Variants in EXOSC1 observed in about 807,000 individuals in gnomAD.
The protein encoded by EXOSC1 is exosome component 1, also known as exosome complex component CSL4.
EXOSC1 carries 27 observed loss-of-function variants against 31.4 expected under a neutral mutation model. The observed-to-expected ratio is 0.86, with a 90% CI of 0.63 to 1.18. The LOEUF (loss-of-function observed/expected upper bound fraction) is 1.18. EXOSC1 is among the 50% of genes most tolerant of loss of function. The pLI, the probability that EXOSC1 is intolerant of heterozygous loss-of-function variation, is 0.00. For synonymous variants in EXOSC1, 84 were observed against 89.5 expected (o/e 0.94, Z 0.35); for missense variants, 228 against 250.3 (o/e 0.91, Z 0.60).
chr10:97,443,158 C>G, intron 3 of EXOSC1, 79 bp downstream of exon 3: 1 of 1,198,726 alleles, frequency 8.3e-7, no homozygotes, highest in Non-Finnish European at 1.2e-6. Flanking sequence ...GGCTATCATA[C>G]TGGACACTGC....
intron 4 of EXOSC1, among the ~76,000 whole-genome samples, chr10:97,440,515 ATTTTTTT>A (rs397846677): frequency 1.6e-5 from 2 of 124,264 alleles, no homozygotes; most frequent in Admixed American, 1.6e-4. Flanking sequence ...TGCCCAGCTA[ATTTTTTT>A]TTTTTTTTTT....
intron 2 of EXOSC1, chr10:97,444,123 C>T (rs1413382412): frequency 6.6e-6 from 1 of 152,194 alleles, no homozygotes; most frequent in Non-Finnish European, 1.5e-5. Context: ...CAAAGTTATA[C>T]TGCTTCCTTC....
intron 1 of EXOSC1, 53 bp from the exon 2 acceptor site, chr10:97,445,900 T>A: frequency 6.2e-7 from 1 of 1,613,668 alleles, no homozygotes; most frequent in Non-Finnish European, 8.5e-7. Flanking sequence ...GTAGGCCGTT[T>A]AGCCTTCTTG....
rs1845944822 is a variant in EXOSC1 at position 97,445,736 on chromosome 10, C to T, written c.143G>A (p.Gly48Asp). The change falls in exon 2 of 8, where the codon GGC (glycine) becomes GAC (aspartate). Residue 48 changes from glycine to aspartate, a missense_variant. By Grantham distance (94) the Gly-to-Asp change is moderately conservative. Coordinates refer to ENST00000370902, the MANE Select transcript of EXOSC1 (RefSeq NM_016046.5). ...AGCLMKSSEN[G>D]ALPVVSVVRE... ...ATGGCATGCCGCTTCCTTTACCGCG[C>T]CATTCTCGCTGCTCTTCATCAGACA... The T allele has an allele frequency of 1.9e-6, 3 of 1,612,734 alleles. No homozygotes were observed. In the East Asian group the frequency reaches 6.7e-5, roughly 36 times the overall value.
rs187680449 is a variant in EXOSC1 at position 97,436,966 on chromosome 10, A to T, written c.481+225T>A. ...AGGAGGTGGAGGCTGTGGTGAGTGGAGATGGCACCACTGCACTCCAGCCTC... is the reference window on the plus strand; with the variant it reads ...AGGAGGTGGAGGCTGTGGTGAGTGGTGATGGCACCACTGCACTCCAGCCTC... On this transcript the variant is annotated intron_variant, in intron 7 of 7. Coordinates refer to ENST00000370902, the MANE Select transcript of EXOSC1 (RefSeq NM_016046.5). Among the ~76,000 whole-genome samples, 431 of 152,306 alleles carry T rather than the reference A, an allele frequency of 2.8e-3. 1 individual carries two copies. The highest frequency in any genetic ancestry group is 4.6e-3 in the Admixed American group (70 of 15,296).
At chr10:97,441,025 A>G in intron 4 of EXOSC1, 146 bp downstream of exon 4, 1 of 623,572 alleles carries the variant, frequency 1.6e-6, no homozygotes, top group Non-Finnish European at 2.8e-6. Context: ...TTTGGATACT[A>G]CTAGGGGAGA....
chr10:97,441,710 G>A (rs1396383230), intron 3 of EXOSC1, among the ~76,000 whole-genome samples: 1 of 150,054 alleles, frequency 6.7e-6, no homozygotes, highest in East Asian at 2.0e-4. Flanking sequence ...GGCTGGTCTC[G>A]AACTCCTGAT....
intron 2 of EXOSC1, 104 bp from the exon 3 acceptor site, chr10:97,443,415 G>A: frequency 1.0e-6 from 1 of 969,874 alleles, no homozygotes; most frequent in South Asian, 1.5e-5. Context: ...AAAGGTGAGA[G>A]TTGGAGTATG....
chr10:97,439,325 T>G (rs2861953), intron 4 of EXOSC1, among the ~76,000 whole-genome samples: 7,777 of 152,296 alleles, frequency 0.051, 257 homozygotes, highest in East Asian at 0.082. Flanking sequence ...CCGGGCTGCA[T>G]AGAAGGAAGT....
At chr10:97,437,456 TC>T (rs1845575959) in intron 6 of EXOSC1, among the ~76,000 whole-genome samples, 181 bp from the exon 7 acceptor site, 1 of 152,134 alleles carries the variant, frequency 6.6e-6, no homozygotes, top group African/African-American at 2.4e-5. Context: ...CAAGCGGTTC[TC>T]CTGCCTCAGC....
intron 4 of EXOSC1, 81 bp from the exon 5 acceptor site, chr10:97,438,784 CCTCT>C (rs1845628846): frequency 1.1e-5 from 12 of 1,108,758 alleles, no homozygotes; most frequent in Middle Eastern, 4.2e-4. Context: ...ACAGAGTCTC[CCTCT>C]GTCACCCAGG....
chr10:97,436,300 A>C lies in EXOSC1; in HGVS notation c.*145T>G, dbSNP rs1845532283. Reference sequence around the variant, plus strand: ...ATGAAATCCACTGATAGGTTCACAGAAACATGTTCCATCTACAGCGTAAAC... The same window carrying C: ...ATGAAATCCACTGATAGGTTCACAGCAACATGTTCCATCTACAGCGTAAAC... On this transcript the variant is annotated 3_prime_UTR_variant, in exon 8 of 8. Transcript: ENST00000370902. 1 of 644,526 alleles carries C rather than the reference A, an allele frequency of 1.6e-6. No individual in the cohort carries two copies. The highest frequency in any genetic ancestry group is 2.8e-6 in the Non-Finnish European group (1 of 360,946). 39.9% of individuals were successfully genotyped at this position (644,526 alleles called of 1,614,324 possible).
At chr10:97,441,406 C>T (rs915506808) in intron 3 of EXOSC1, 147 bp from the exon 4 acceptor site, 44 of 546,856 alleles carry the variant, frequency 8.0e-5, no homozygotes, top group East Asian at 3.4e-4. Flanking sequence ...CTTCTCTCTG[C>T]GTAAGTGACA....
In EXOSC1 at chr10:97,436,562, A is replaced by G; in HGVS notation, c.482-11T>C. 6.3e-7 allele frequency: 1 copy of G among 1,585,454 alleles called. No homozygotes were observed. Among genetic ancestry groups the G allele is most frequent in the Non-Finnish European group, 8.5e-7 (1 of 1,171,322 alleles). Reference sequence around the variant, plus strand: ...GAACCATCTGGATACCTGGAAGGGAAAAGCTGGTGGTGGAGCCCAGACCCC... The same window carrying G: ...GAACCATCTGGATACCTGGAAGGGAGAAGCTGGTGGTGGAGCCCAGACCCC... On this transcript the variant is annotated splice_polypyrimidine_tract_variant and intron_variant, in intron 7 of 7. Transcript: ENST00000370902.
chr10:97,436,938 C>T (rs1845556472), intron 7 of EXOSC1, among the ~76,000 whole-genome samples: 2 of 152,138 alleles, frequency 1.3e-5, no homozygotes, highest in African/African-American at 4.8e-5. Context: ...ATTGCTTGAA[C>T]CAAGGAGGTG....
chr10:97,445,954 C>G lies in EXOSC1; in HGVS notation c.31+1G>C, dbSNP rs373071172. ...ACTCTGTACGGGAAGCGCTCACTTA[C>G]CGGGGATGCAGTATCTCACAGGTGG... On this transcript the variant is annotated splice_donor_variant, in intron 1 of 7. Coordinates refer to ENST00000370902, the MANE Select transcript of EXOSC1 (RefSeq NM_016046.5). LOFTEE classifies it high-confidence loss of function. The G allele has an allele frequency of 6.2e-7, 1 of 1,614,200 alleles. No homozygotes were observed. Among genetic ancestry groups the G allele is most frequent in the South Asian group, 1.1e-5 (1 of 91,088 alleles).
At chr10:97,442,986 C>T (rs1346429448) in intron 3 of EXOSC1, among the ~76,000 whole-genome samples, 4 of 152,020 alleles carry the variant, frequency 2.6e-5, no homozygotes, top group African/African-American at 7.3e-5. Flanking sequence ...CCACCATGCC[C>T]GGCAATTTTT....
chr10:97,440,261 C>CACGCCCAG (rs1290079507), intron 4 of EXOSC1, among the ~76,000 whole-genome samples: 1 of 152,116 alleles, frequency 6.6e-6, no homozygotes, highest in African/African-American at 2.4e-5. Context: ...CATGAGCCAC[C>CACGCCCAG]ACGCCCAGCC....
intron 5 of EXOSC1, 31 bp from the exon 6 acceptor site, chr10:97,437,781 A>G: frequency 6.3e-7 from 1 of 1,596,010 alleles, no homozygotes; most frequent in Non-Finnish European, 8.6e-7. Context: ...TGTTAAGTGA[A>G]AGCTCTAGAC....
Sources: allele counts gnomAD v4.1 joint callset (sites outside exome capture counted in the v4.1 genomes callset), GRCh38; gene constraint gnomAD v4.1.1; transcripts MANE v1.5; gene names NCBI Gene and HGNC (gene_info 2026-07-23, HGNC 2026-07-21).